CDH13: variants seen among roughly 807,000 people sequenced by gnomAD.
CDH13 encodes the protein cadherin-13.
CDH13 carries 24 observed loss-of-function variants against 63.8 expected under a neutral mutation model. The observed-to-expected ratio is 0.38, with a 90% CI of 0.27 to 0.53. CDH13 has a LOEUF of 0.53. Ranked by LOEUF, CDH13 falls within the 20% of genes least tolerant of loss-of-function variation. The pLI, the probability that CDH13 is intolerant of heterozygous loss-of-function variation, is 0.85. For synonymous variants in CDH13, 503 were observed against 355.3 expected, an observed-to-expected ratio of 1.42 and a Z score of -4.67; for missense variants, 1,049 against 903.1, an observed-to-expected ratio of 1.16 and a Z score of -2.07.
At chr16:82,758,141 A>G (rs2151079351) in intron 1 of CDH13, among the ~76,000 whole-genome samples, 1 of 152,252 alleles carries the variant, frequency 6.6e-6, no homozygotes, top group Non-Finnish European at 1.5e-5. Flanking sequence ...CCTTGGACCA[A>G]TTGGGAAAAG....
intron 3 of CDH13, among the ~76,000 whole-genome samples, chr16:83,122,331 G>T (rs1415321393): frequency 6.6e-6 from 1 of 152,158 alleles, no homozygotes; most frequent in Non-Finnish European, 1.5e-5. Flanking sequence ...TCTCCAGCAT[G>T]TTTATTTTTA....
chr16:83,089,722 C>T (rs537450741), intron 3 of CDH13, among the ~76,000 whole-genome samples: 7 of 152,284 alleles, frequency 4.6e-5, no homozygotes, highest in African/African-American at 9.6e-5. Flanking sequence ...TTCTATCTCA[C>T]GACTTTGCTA....
At chr16:82,977,826 G>A (rs1909732033) in intron 2 of CDH13, among the ~76,000 whole-genome samples, 1 of 152,180 alleles carries the variant, frequency 6.6e-6, no homozygotes, top group Non-Finnish European at 1.5e-5. Context: ...AAGAAGACAG[G>A]AAAATGTGGG....
intron 1 of CDH13, among the ~76,000 whole-genome samples, chr16:82,772,661 C>G (rs933368225): frequency 2.0e-5 from 3 of 152,048 alleles, no homozygotes; most frequent in African/African-American, 7.2e-5. Context: ...TTCATAGGAG[C>G]CCTAGGAGGT....
chr16:82,745,717 C>G (rs2034132163), intron 1 of CDH13, among the ~76,000 whole-genome samples: 1 of 152,130 alleles, frequency 6.6e-6, no homozygotes, highest in Admixed American at 6.5e-5. Flanking sequence ...TGTCTCTTTT[C>G]ATAAATAGGA....
chr16:82,769,719 G>A (rs552237812), intron 1 of CDH13, among the ~76,000 whole-genome samples: 2 of 152,324 alleles, frequency 1.3e-5, no homozygotes, highest in South Asian at 4.1e-4. Flanking sequence ...ATTATTCACA[G>A]AAAGACATGT....
At chr16:82,825,565 A>G (rs1458691521) in intron 1 of CDH13, 2 of 146,654 alleles carry the variant, frequency 1.4e-5, no homozygotes, top group Non-Finnish European at 3.0e-5. Context: ...TTTCCCAAAC[A>G]GAGTCTCCCT....
chr16:83,426,171 G>A (rs972689413), intron 6 of CDH13, among the ~76,000 whole-genome samples: 1 of 152,002 alleles, frequency 6.6e-6, no homozygotes, highest in African/African-American at 2.4e-5. Context: ...CATGCCATCT[G>A]ATTAATCACA....
chr16:83,014,746 ATATATATAT>A (rs2151441575), intron 2 of CDH13, among the ~76,000 whole-genome samples: 1 of 32,876 alleles, frequency 3.0e-5, no homozygotes, highest in South Asian at 1.1e-3. Context: ...AAAAAAAAAT[ATATATATAT>A]ATATATATAT....
At chr16:83,646,198 C>T (rs1388479795) in intron 8 of CDH13, among the ~76,000 whole-genome samples, 1 of 152,180 alleles carries the variant, frequency 6.6e-6, no homozygotes, top group Non-Finnish European at 1.5e-5. Flanking sequence ...CTCCCTAACT[C>T]TGCTACCCTA....
intron 7 of CDH13, among the ~76,000 whole-genome samples, chr16:83,574,392 G>A (rs1235521219): frequency 7.2e-5 from 11 of 152,138 alleles, no homozygotes; most frequent in Non-Finnish European, 1.6e-4. Flanking sequence ...GAGCCCTCCA[G>A]GCCCTCAGTG....
At chr16:83,559,688 C>T (rs769299261) in intron 7 of CDH13, among the ~76,000 whole-genome samples, 9 of 152,044 alleles carry the variant, frequency 5.9e-5, no homozygotes, top group Non-Finnish European at 1.2e-4. Context: ...CTGAGGTAGG[C>T]ACCTTAATTC....
chr16:83,126,766 G>T (rs1412960609), intron 4 of CDH13, among the ~76,000 whole-genome samples: 1 of 152,216 alleles, frequency 6.6e-6, no homozygotes, highest in Non-Finnish European at 1.5e-5. Context: ...AATGGCAGTT[G>T]CTGTTGAACT....
intron 2 of CDH13, among the ~76,000 whole-genome samples, chr16:82,885,440 C>A (rs1403102514): frequency 1.1e-5 from 1 of 92,038 alleles, no homozygotes; most frequent in Non-Finnish European, 2.1e-5. Flanking sequence ...CCCACCCCCC[C>A]ACCCACTCAT....
intron 8 of CDH13, among the ~76,000 whole-genome samples, chr16:83,613,415 A>C (rs964275005): frequency 2.0e-5 from 3 of 152,232 alleles, no homozygotes; most frequent in Admixed American, 6.5e-5. Context: ...GCACACATAC[A>C]TATACAAACA....
intron 6 of CDH13, among the ~76,000 whole-genome samples, chr16:83,414,768 A>G (rs944369625): frequency 3.3e-5 from 5 of 152,174 alleles, no homozygotes; most frequent in Admixed American, 3.3e-4. Context: ...TGTGAGGTTG[A>G]ATCATATTTT....
chr16:83,511,757 G>A (rs189343593), intron 7 of CDH13, among the ~76,000 whole-genome samples: 5 of 152,206 alleles, frequency 3.3e-5, no homozygotes, highest in African/African-American at 9.6e-5. Context: ...AAATGGAAGG[G>A]GCAAAGGTAG....
intron 6 of CDH13, among the ~76,000 whole-genome samples, chr16:83,383,751 C>T (rs756424321): frequency 6.6e-6 from 1 of 152,132 alleles, no homozygotes; most frequent in African/African-American, 2.4e-5. Flanking sequence ...CTTTCTTATA[C>T]AATGAGATAT....
chr16:83,322,877 T>A (rs1430172549), intron 5 of CDH13, among the ~76,000 whole-genome samples: 2 of 146,732 alleles, frequency 1.4e-5, no homozygotes, highest in Non-Finnish European at 3.0e-5. Context: ...CACCTTCTGA[T>A]TTTTTAGAGA....
Sources: allele counts gnomAD v4.1 joint callset (sites outside exome capture counted in the v4.1 genomes callset), GRCh38; gene constraint gnomAD v4.1.1; transcripts MANE v1.5; gene names NCBI Gene and HGNC (gene_info 2026-07-23, HGNC 2026-07-21).